WDR93: variants seen among roughly 807,000 people sequenced by gnomAD.
WDR93 encodes the protein WD repeat-containing protein 93.
WDR93 carries 73 observed loss-of-function variants against 82.9 expected under a neutral mutation model. That is an observed-to-expected ratio of 0.88 (90% CI 0.73 to 1.07). The LOEUF is 1.07. Ranked by LOEUF, WDR93 falls within the 50% of genes least tolerant of loss-of-function variation. The probability of loss-of-function intolerance (pLI) is 0.00; values close to 1 mark genes in which losing one functional copy is unlikely to be tolerated. For missense variants in WDR93, 738 were observed against 826.0 expected (o/e 0.89, Z 1.31); for synonymous variants, 283 against 300.1 (o/e 0.94, Z 0.59).
At chr15:89,732,626 C>CACAA (rs1028185834) in intron 12 of WDR93, among the ~76,000 whole-genome samples, 2 of 151,920 alleles carry the variant, frequency 1.3e-5, no homozygotes, top group African/African-American at 4.8e-5. Flanking sequence ...CACACACACA[C>CACAA]ACACACACAC....
chr15:89,713,411 C>T (rs1238998325), intron 5 of WDR93, among the ~76,000 whole-genome samples: 1 of 151,634 alleles, frequency 6.6e-6, no homozygotes, highest in Non-Finnish European at 1.5e-5. Context: ...GTATATTGGC[C>T]TCTATTTTAT....
chr15:89,702,007 C>G lies in WDR93; in HGVS notation c.261C>G (p.Ser87Arg), dbSNP rs760301954. Residue 87 changes from serine to arginine, a missense_variant, in exon 2 of 17, where the codon AGC becomes AGG. Transcript: ENST00000268130. ...ACGCACTGAGGGAAGCTGAGAGCAG[C>G]CAGATCCAGCCCACCGTCTACCCTC... ...ERNALREAES[S>R]QIQPTVYPPL... The G allele has an allele frequency of 1.2e-5, 19 of 1,612,418 alleles. No individual in the cohort carries two copies. The highest frequency in any genetic ancestry group is 8.3e-5 in the Admixed American group (5 of 59,980).
In WDR93 at chr15:89,735,635, T is replaced by C. The variant is rs539103076; in HGVS notation, c.1608+82T>C. The stretch of plus-strand genomic sequence containing the variant: ...ATGTGTTCATCTGTCCTTTAGAAAA[T>C]GCTTATTGAAGGCCTGTTATGTGTT... On this transcript the variant is annotated intron_variant, in intron 14 of 16. Transcript: ENST00000268130. 8.1e-5 allele frequency: 119 copies of C among 1,465,636 alleles called. 2 individuals carry two copies. The South Asian group carries it at 1.3e-3, about 16-fold the overall frequency. 90.8% of individuals were successfully genotyped at this position (1,465,636 alleles called of 1,614,324 possible). A position where few individuals can be genotyped will look rare whatever the true frequency, so the allele number is the denominator to read the frequency against.
At chr15:89,726,939 A>G (rs1421218252) in intron 8 of WDR93, among the ~76,000 whole-genome samples, 1 of 152,182 alleles carries the variant, frequency 6.6e-6, no homozygotes, top group Non-Finnish European at 1.5e-5. Flanking sequence ...GAAGATACAG[A>G]AGAAGGAGGA....
Position 89,737,807 on chromosome 15 carries a change from C to T in WDR93, c.1765+78C>T, listed in dbSNP as rs1238455785. The T allele has an allele frequency of 2.6e-5, 41 of 1,574,722 alleles. No homozygotes were observed. In the East Asian group the frequency reaches 6.8e-4, roughly 26 times the overall value. ...CTCTCACAAACAGAGAGAGCCCCTC[C>T]GATCTCCTCCCCACTCTGTGTCCCC... On this transcript the variant is annotated intron_variant, in intron 15 of 16. Transcript: ENST00000268130.
intron 1 of WDR93, among the ~76,000 whole-genome samples, chr15:89,691,584 G>T (rs1964886244): frequency 6.6e-6 from 1 of 152,182 alleles, no homozygotes; most frequent in South Asian, 2.1e-4. Context: ...GCCGGGCGTG[G>T]TGGTGGGCGC....
In WDR93 at chr15:89,719,854, G is replaced by A. The variant is rs148447361; in HGVS notation, c.796-2201G>A. Among the ~76,000 whole-genome samples, 702 of 151,396 alleles carry A rather than the reference G, an allele frequency of 4.6e-3. 1 individual carries two copies. The highest frequency in any genetic ancestry group is 7.1e-3 in the Non-Finnish European group (479 of 67,868). ...CTCGCTCTGTCACCCAGGCTGGAGT[G>A]CACTGGCATGATCTTGGCTCACTGC... is the stretch of plus-strand genomic sequence containing the variant. On this transcript the variant is annotated intron_variant, in intron 7 of 16. Transcript: ENST00000268130.
chr15:89,725,004 T>G (rs1292712913), intron 8 of WDR93, among the ~76,000 whole-genome samples: 1 of 151,850 alleles, frequency 6.6e-6, no homozygotes, highest in Non-Finnish European at 1.5e-5. Context: ...GACTGAGGGG[T>G]TTCCTGGGAT....
intron 9 of WDR93, 33 bp downstream of exon 9, chr15:89,727,361 C>T: frequency 1.2e-6 from 2 of 1,604,200 alleles, no homozygotes; most frequent in Non-Finnish European, 1.7e-6. Context: ...AGCCAGGGAG[C>T]ATCCCCAGGC....
At chr15:89,707,243 C>G (rs1240992258) in intron 4 of WDR93, among the ~76,000 whole-genome samples, 1 of 151,976 alleles carries the variant, frequency 6.6e-6, no homozygotes, top group African/African-American at 2.4e-5. Context: ...TATTAGAATC[C>G]TCAAATTAAA....
chr15:89,734,158 A>C (rs1438272076), intron 13 of WDR93, among the ~76,000 whole-genome samples: 1 of 152,138 alleles, frequency 6.6e-6, no homozygotes, highest in Non-Finnish European at 1.5e-5. Context: ...TCCGCCCCAA[A>C]CACCTTATTA....
In WDR93 at chr15:89,737,580, T is replaced by C. The variant is rs1203752330; in HGVS notation, c.1616T>C (p.Ile539Thr). ...PVPALPGMVL[I>T]FSKNGSVCLM... is the part of the protein sequence containing the mutation. ...CATCTCTTTGCTTCCCAGGTGCTCA[T>C]CTTTTCCAAGAATGGCTCTGTGTGC... Residue 539 changes from isoleucine (I) to threonine (T), a missense_variant, in exon 15 of 17, where the codon ATC (isoleucine) becomes ACC (threonine). By Grantham distance (89) the Ile-to-Thr change is moderately conservative. Coordinates refer to ENST00000268130, the MANE Select transcript of WDR93 (RefSeq NM_020212.2). 5 of 1,614,074 alleles carry C rather than the reference T, an allele frequency of 3.1e-6. No individual in the cohort carries two copies. Among genetic ancestry groups the C allele is most frequent in the Non-Finnish European group, 4.2e-6 (5 of 1,180,040 alleles).
At chr15:89,694,016 G>A (rs183636606) in intron 1 of WDR93, among the ~76,000 whole-genome samples, 32 of 152,302 alleles carry the variant, frequency 2.1e-4, no homozygotes, top group Admixed American at 1.6e-3. Context: ...TTTCCCAATA[G>A]TGTGTATGAG....
At chr15:89,722,691 C>A (rs944250856) in intron 8 of WDR93, among the ~76,000 whole-genome samples, 2 of 152,084 alleles carry the variant, frequency 1.3e-5, no homozygotes, top group Admixed American at 1.3e-4. Context: ...GAGTAAGGGA[C>A]ATTTGGGCAC....
intron 12 of WDR93, among the ~76,000 whole-genome samples, chr15:89,731,932 A>G (rs942199509): frequency 2.6e-5 from 4 of 152,082 alleles, no homozygotes; most frequent in African/African-American, 9.7e-5. Flanking sequence ...TCTCTAAATA[A>G]GTGAGTCTTC....
Position 89,715,046 on chromosome 15 carries a change from A to G in WDR93, c.707A>G (p.His236Arg), listed in dbSNP as rs776751505. 9.3e-6 allele frequency: 15 copies of G among 1,613,906 alleles called. No homozygotes were observed. Among genetic ancestry groups the G allele is most frequent in the Admixed American group, 3.3e-5 (2 of 59,980 alleles). Residue 236 changes from histidine to arginine, a missense_variant, in exon 6 of 17, where the codon CAC becomes CGC. His to Arg is a conservative substitution (Grantham distance 29). Transcript: ENST00000268130. ...GAGACTTGGCTCAAGAAACTAGAGC[A>G]CCCCCAACTCACTTCAAATCCAAAG... is the stretch of plus-strand genomic sequence containing the variant. The part of the protein sequence containing the change: ...PKETWLKKLE[H>R]PQLTSNPKKK...
chr15:89,702,608 C>T (rs1302820381), intron 2 of WDR93, among the ~76,000 whole-genome samples: 1 of 151,174 alleles, frequency 6.6e-6, no homozygotes, highest in African/African-American at 2.4e-5. Context: ...GGTGTGATCT[C>T]GGCTCACTGT....
At chr15:89,723,080 G>A (rs566033652) in intron 8 of WDR93, among the ~76,000 whole-genome samples, 100 of 151,854 alleles carry the variant, frequency 6.6e-4, no homozygotes, top group African/African-American at 2.2e-3. Flanking sequence ...ATGCACCTGT[G>A]GTCCTGACTA....
intron 1 of WDR93, among the ~76,000 whole-genome samples, chr15:89,696,335 G>A (rs1965173126): frequency 1.3e-5 from 2 of 152,260 alleles, no homozygotes; most frequent in South Asian, 4.1e-4. Flanking sequence ...TTACTGATTA[G>A]TATTCTATTA....
Sources: allele counts gnomAD v4.1 joint callset (sites outside exome capture counted in the v4.1 genomes callset), GRCh38; gene constraint gnomAD v4.1.1; transcripts MANE v1.5; gene names NCBI Gene and HGNC (gene_info 2026-07-23, HGNC 2026-07-21).